The following PHF14 variants were observed in gnomAD, a reference collection of about 807,000 sequenced individuals.
PHF14 encodes the protein PHD finger protein 14.
PHF14 carries 55 observed loss-of-function variants against 117.9 expected under a neutral mutation model. That is an observed-to-expected ratio of 0.47 (90% CI 0.38 to 0.58). PHF14 has a LOEUF of 0.58. Ranked by LOEUF, PHF14 falls within the 20% of genes least tolerant of loss-of-function variation. The pLI is 0.00. For missense variants in PHF14, 978 were observed against 1,122.2 expected, an observed-to-expected ratio of 0.87 and a Z score of 1.84; for synonymous variants, 409 against 368.6, an observed-to-expected ratio of 1.11 and a Z score of -1.26.
Position 11,013,750 on chromosome 7 carries a change from G to T in PHF14, c.1049G>T (p.Cys350Phe), listed in dbSNP as rs1583366090. 6.5e-7 allele frequency: 1 copy of T among 1,535,292 alleles called. No individual in the cohort carries two copies. Among genetic ancestry groups the T allele is most frequent in the Admixed American group, 1.8e-5 (1 of 54,916 alleles). ...DNCGITVHEG[C>F]YGVDGESDSI... ...ATAGTGTTTTTGTTTTTTTTAGGTT[G>T]TTATGGAGTTGATGGAGAGAGTGAC... is the stretch of plus-strand genomic sequence containing the variant. The change falls in exon 5 of 18, where the codon TGT becomes TTT. Residue 350 changes from cysteine (C) to phenylalanine (F), a missense_variant. By Grantham distance (205) the Cys-to-Phe change is radical (BLOSUM62 -2). Around this residue, in one of 7 missense-constraint regions of PHF14, gnomAD observed 86 missense variants for 137.8 expected, o/e 0.62. Coordinates refer to ENST00000634607, the MANE Select transcript of PHF14 (RefSeq NM_001007157.2).
At chr7:11,143,471 G>A (rs1397855360) in intron 17 of PHF14, among the ~76,000 whole-genome samples, 1 of 151,914 alleles carries the variant, frequency 6.6e-6, no homozygotes, top group Non-Finnish European at 1.5e-5. Flanking sequence ...AAGGAATTAA[G>A]TGACAGATCA....
chr7:11,156,735 A>G (rs948594412), intron 17 of PHF14, among the ~76,000 whole-genome samples: 1 of 152,182 alleles, frequency 6.6e-6, no homozygotes, highest in African/African-American at 2.4e-5. Context: ...CAGAGGTTGC[A>G]GTGAGCAGAA....
In PHF14 at chr7:10,974,113, A is replaced by G; in HGVS notation, c.-211A>G. 4 of 543,872 alleles carry G rather than the reference A, an allele frequency of 7.4e-6. No individual in the cohort carries two copies. The highest frequency in any genetic ancestry group is 1.3e-5 in the Non-Finnish European group (4 of 303,708). The allele number at this position is 543,872 out of a possible 1,614,324, so 33.7% of individuals were successfully genotyped here. On this transcript the variant is annotated 5_prime_UTR_variant, in exon 1 of 18. Transcript: ENST00000634607. ...AGGGAGCGCTGTGGGAAGGGGCTCG[A>G]GCGGCCAGGGCCAGGCGAGGCCGGG... is the stretch of plus-strand genomic sequence containing the variant.
At chr7:11,125,508 C>G (rs1473635951) in intron 17 of PHF14, among the ~76,000 whole-genome samples, 1 of 152,010 alleles carries the variant, frequency 6.6e-6, no homozygotes, top group Non-Finnish European at 1.5e-5. Context: ...AATTCTTTTG[C>G]TGACAATTCT....
In PHF14 at chr7:10,983,060, T is replaced by C. The variant is rs1782098491; in HGVS notation, c.801T>C (p.Gly267=). 1.3e-6 allele frequency: 2 copies of C among 1,597,272 alleles called. No homozygotes were observed. The highest frequency in any genetic ancestry group is 1.3e-5 in the African/African-American group (1 of 74,790). The change falls in exon 3 of 18, where the codon GGT becomes GGC. Residue 267 remains glycine, a synonymous_variant. Coordinates refer to ENST00000634607, the MANE Select transcript of PHF14 (RefSeq NM_001007157.2). ...ATAGTAGCCCTGCCAGTGAAGGGGGTTGCAAGAAGAAGAAGAGTAAAGTTC... is the reference window on the plus strand; with the variant it reads ...ATAGTAGCCCTGCCAGTGAAGGGGGCTGCAAGAAGAAGAAGAGTAAAGTTC... ...EDHSSPASEG[G]CKKKKSKVLS...
chr7:10,976,153 T>C (rs146281379), intron 2 of PHF14, among the ~76,000 whole-genome samples: 3,045 of 152,226 alleles, frequency 0.02, 43 homozygotes, highest in Middle Eastern at 0.044. Flanking sequence ...ATCCCAAGAG[T>C]TGATGGACGG....
chr7:11,113,814 T>A (rs1190147339), intron 17 of PHF14, among the ~76,000 whole-genome samples: 1 of 152,166 alleles, frequency 6.6e-6, no homozygotes, highest in Non-Finnish European at 1.5e-5. Context: ...GAAGAAAGCA[T>A]TGATAGATAA....
chr7:11,169,581 T>C lies in PHF14; in HGVS notation c.*91T>C. ...TAAAATGTTAAATTGTAAAATCTAA[T>C]TTGCAAAATGTTCTCAATAAAGTCA... On this transcript the variant is annotated 3_prime_UTR_variant, in exon 18 of 18. Transcript: ENST00000634607. The C allele has an allele frequency of 1.8e-6, 1 of 550,736 alleles. No homozygotes were observed. Among genetic ancestry groups the C allele is most frequent in the Non-Finnish European group, 3.1e-6 (1 of 320,726 alleles). The allele number at this position is 550,736 out of a possible 1,614,324, so 34.1% of individuals were successfully genotyped here. A position where few individuals can be genotyped will look rare whatever the true frequency, so the allele number is the denominator to read the frequency against.
chr7:11,061,960 G>T lies in PHF14; in HGVS notation c.2533-4G>T, dbSNP rs759384512. Reference sequence around the variant, plus strand: ...GTTTTATTTTATTATCCCTTGTATGGCAGGAAAGAGTTCCTAGAGAGAGAA... The same window carrying T: ...GTTTTATTTTATTATCCCTTGTATGTCAGGAAAGAGTTCCTAGAGAGAGAA... On this transcript the variant is annotated splice_polypyrimidine_tract_variant and splice_region_variant and intron_variant, in intron 15 of 17. Transcript: ENST00000634607. The T allele has an allele frequency of 1.3e-6, 2 of 1,585,538 alleles. No individual in the cohort carries two copies. Among genetic ancestry groups the T allele is most frequent in the Admixed American group, 3.6e-5 (2 of 55,572 alleles).
chr7:11,040,788 A>C lies in PHF14; in HGVS notation c.2180+13A>C, dbSNP rs754617696. The stretch of plus-strand genomic sequence containing the variant: ...CAGTACTTTATAGGCAAGTAATGAA[A>C]TTAATAATGATAGAATAATGTTGTG... On this transcript the variant is annotated intron_variant, in intron 12 of 17. Transcript: ENST00000634607. The C allele has an allele frequency of 5.6e-5, 69 of 1,225,214 alleles. No homozygotes were observed. Among genetic ancestry groups the C allele is most frequent in the Non-Finnish European group, 7.7e-5 (67 of 873,312 alleles). The allele number at this position is 1,225,214 out of a possible 1,614,324, so 75.9% of individuals were successfully genotyped here.
At chr7:11,078,635 T>C (rs1217085754) in intron 16 of PHF14, among the ~76,000 whole-genome samples, 2 of 152,184 alleles carry the variant, frequency 1.3e-5, no homozygotes, top group Non-Finnish European at 2.9e-5. Context: ...ATGTGAGTCA[T>C]TTATAGAATA....
At chr7:11,126,147 A>G (rs1400873037) in intron 17 of PHF14, among the ~76,000 whole-genome samples, 1 of 152,164 alleles carries the variant, frequency 6.6e-6, no homozygotes, top group African/African-American at 2.4e-5. Context: ...TTTCCAAAGC[A>G]CAGATGTATT....
intron 4 of PHF14, among the ~76,000 whole-genome samples, chr7:11,002,578 T>TA (rs1782914594): frequency 6.6e-6 from 1 of 152,032 alleles, no homozygotes; most frequent in Admixed American, 6.6e-5. Context: ...TAGCTGGGAC[T>TA]ACAGGCATAT....
intron 17 of PHF14, among the ~76,000 whole-genome samples, chr7:11,114,675 T>A (rs996871063): frequency 6.6e-6 from 1 of 152,140 alleles, no homozygotes; most frequent in African/African-American, 2.4e-5. Flanking sequence ...AGTAGTCATT[T>A]TGAGTTTCAT....
intron 4 of PHF14, among the ~76,000 whole-genome samples, chr7:10,992,996 G>T (rs1378615819): frequency 6.6e-6 from 1 of 151,996 alleles, no homozygotes; most frequent in East Asian, 1.9e-4. Flanking sequence ...ATATGCTTTT[G>T]GCCGGAATAC....
chr7:11,053,354 G>A (rs1307285027), intron 14 of PHF14, among the ~76,000 whole-genome samples: 2 of 151,974 alleles, frequency 1.3e-5, no homozygotes, highest in African/African-American at 4.8e-5. Flanking sequence ...GGTGCTCTAA[G>A]TAGATCAACT....
At chr7:11,009,080 C>T (rs1003786622) in intron 4 of PHF14, among the ~76,000 whole-genome samples, 1 of 149,752 alleles carries the variant, frequency 6.7e-6, no homozygotes, top group Non-Finnish European at 1.5e-5. Context: ...GTTTCATAGT[C>T]AAAAGTCTAA....
intron 16 of PHF14, among the ~76,000 whole-genome samples, chr7:11,071,807 A>G (rs1336368641): frequency 6.6e-6 from 1 of 152,232 alleles, no homozygotes; most frequent in African/African-American, 2.4e-5. Flanking sequence ...GCAATAAGAG[A>G]ACTTCTAATT....
intron 3 of PHF14, among the ~76,000 whole-genome samples, chr7:10,985,650 T>TTG: frequency 7.9e-6 from 1 of 127,244 alleles, no homozygotes; most frequent in East Asian, 2.3e-4. Flanking sequence ...TTTTTTTTTT[T>TTG]TTTTTTTTTT....
Sources: allele counts gnomAD v4.1 joint callset (sites outside exome capture counted in the v4.1 genomes callset), GRCh38; gene constraint gnomAD v4.1.1; regional missense constraint gnomAD v4.1.1; transcripts MANE v1.5; gene names NCBI Gene and HGNC (gene_info 2026-07-23, HGNC 2026-07-21).